LRP1B: variants seen among roughly 807,000 people sequenced by gnomAD.
The protein encoded by LRP1B is low-density lipoprotein receptor-related protein 1B.
A neutral mutation model predicts 556.6 loss-of-function variants in LRP1B; 217 were observed. The observed-to-expected ratio is 0.39, with a 90% CI of 0.35 to 0.44. The LOEUF (loss-of-function observed/expected upper bound fraction) is 0.44, where lower values mean the gene tolerates loss of function less well. Ranked by LOEUF, LRP1B falls within the 20% of genes least tolerant of loss-of-function variation. The probability of loss-of-function intolerance (pLI) is 1.00; values close to 1 mark genes in which losing one functional copy is unlikely to be tolerated. For missense variants in LRP1B, 5,053 were observed against 5,620.8 expected (o/e 0.90, Z 3.23); for synonymous variants, 2,047 against 1,865.8 (o/e 1.10, Z -2.50).
At chr2:141,060,507 G>A (rs1292520890) in intron 8 of LRP1B, among the ~76,000 whole-genome samples, 3 of 151,694 alleles carry the variant, frequency 2.0e-5, no homozygotes, top group African/African-American at 7.3e-5. Context: ...TTATAAGCAA[G>A]CTCAAGACTC....
At chr2:141,750,787 C>A (rs546543474) in intron 2 of LRP1B, among the ~76,000 whole-genome samples, 15 of 151,880 alleles carry the variant, frequency 9.9e-5, no homozygotes, top group Non-Finnish European at 2.9e-5. Context: ...TATCTATATT[C>A]TTTATAGAAA....
At chr2:141,118,297 T>C (rs568524927) in intron 7 of LRP1B, among the ~76,000 whole-genome samples, 2 of 152,086 alleles carry the variant, frequency 1.3e-5, no homozygotes, top group Admixed American at 6.5e-5. Context: ...CAGTTATATT[T>C]ATCACATCTT....
At chr2:141,141,112 T>C (rs1321093478) in intron 7 of LRP1B, among the ~76,000 whole-genome samples, 2 of 152,106 alleles carry the variant, frequency 1.3e-5, no homozygotes, top group African/African-American at 2.4e-5. Flanking sequence ...TAAAAATGCA[T>C]TAATTAAAAC....
chr2:141,323,219 C>G (rs1390700791), intron 3 of LRP1B, among the ~76,000 whole-genome samples: 1 of 152,022 alleles, frequency 6.6e-6, no homozygotes, highest in Non-Finnish European at 1.5e-5. Flanking sequence ...ATTTTTCCAC[C>G]TTAAAACTGA....
intron 14 of LRP1B, among the ~76,000 whole-genome samples, chr2:141,013,069 T>G (rs1013543470): frequency 1.3e-5 from 2 of 151,934 alleles, no homozygotes; most frequent in Non-Finnish European, 2.9e-5. Flanking sequence ...CGGTTTTACT[T>G]TTGTGTCATC....
intron 2 of LRP1B, among the ~76,000 whole-genome samples, chr2:141,551,764 C>T (rs78658267): frequency 0.017 from 2,531 of 152,044 alleles, 27 homozygotes; most frequent in African/African-American, 0.023. Flanking sequence ...GACAGTCCTG[C>T]GGAAGACACC....
chr2:141,510,471 A>T lies in LRP1B; in HGVS notation c.206-29938T>A, dbSNP rs1386578526. On this transcript the variant is annotated intron_variant, in intron 2 of 90. Transcript: ENST00000389484. ...GTTCCTTGGATTTAGGCTGTATTTTATGTTTACAAATATTATCGCACACCT... is the reference window on the plus strand; with the variant it reads ...GTTCCTTGGATTTAGGCTGTATTTTTTGTTTACAAATATTATCGCACACCT... Among the ~76,000 whole-genome samples, 3 of 152,096 alleles carry T rather than the reference A, an allele frequency of 2.0e-5. 1 individual carries two copies. In the East Asian group the frequency reaches 5.8e-4, roughly 29 times the overall value.
chr2:141,108,497 T>C (rs1700668600), intron 7 of LRP1B, among the ~76,000 whole-genome samples: 1 of 151,882 alleles, frequency 6.6e-6, no homozygotes, highest in Non-Finnish European at 1.5e-5. Flanking sequence ...TACAGGTGCC[T>C]GCCACCATGC....
In LRP1B at chr2:140,951,945, G is replaced by A. The variant is rs772332891; in HGVS notation, c.2888-5C>T. On this transcript the variant is annotated splice_polypyrimidine_tract_variant and splice_region_variant and intron_variant, in intron 18 of 90. Transcript: ENST00000389484. ...GTGGCTCACAAGTTGGGAATTCTGT[G>A]AAAGATATAAAAATGTCCAAAAGGT... The A allele has an allele frequency of 4.4e-6, 7 of 1,605,578 alleles. No homozygotes were observed. In the East Asian group the frequency reaches 1.3e-4, roughly 31 times the overall value.
At chr2:140,752,715 A>G (rs1220906744) in intron 35 of LRP1B, among the ~76,000 whole-genome samples, 2 of 152,192 alleles carry the variant, frequency 1.3e-5, no homozygotes, top group Non-Finnish European at 2.9e-5. Flanking sequence ...TATTTTTTAA[A>G]TATACTTATT....
intron 2 of LRP1B, among the ~76,000 whole-genome samples, chr2:141,766,346 T>G (rs1229483400): frequency 6.6e-6 from 1 of 152,128 alleles, no homozygotes; most frequent in Non-Finnish European, 1.5e-5. Flanking sequence ...TCTCCAATGA[T>G]TCTCTGGTCA....
intron 11 of LRP1B, among the ~76,000 whole-genome samples, chr2:141,038,529 A>C (rs569320456): frequency 6.6e-6 from 1 of 152,200 alleles, no homozygotes; most frequent in East Asian, 1.9e-4. Flanking sequence ...ATTTTTAAAC[A>C]TACTGGTTAC....
chr2:140,387,764 C>A (rs1217809792), intron 66 of LRP1B, among the ~76,000 whole-genome samples: 1 of 151,912 alleles, frequency 6.6e-6, no homozygotes, highest in African/African-American at 2.4e-5. Context: ...ATTCTGCACA[C>A]CTCAGTCAAT....
At chr2:141,719,562 G>T (rs866234647) in intron 2 of LRP1B, among the ~76,000 whole-genome samples, 10 of 152,146 alleles carry the variant, frequency 6.6e-5, no homozygotes, top group Admixed American at 2.0e-4. Context: ...TAATGGTGTA[G>T]GAGACTCAAA....
chr2:141,532,408 T>C (rs1356675681), intron 2 of LRP1B, among the ~76,000 whole-genome samples: 1 of 151,910 alleles, frequency 6.6e-6, no homozygotes. Flanking sequence ...GTCTAGAAAA[T>C]ATCAAGAACT....
intron 3 of LRP1B, among the ~76,000 whole-genome samples, chr2:141,290,545 T>C (rs1685902823): frequency 6.6e-6 from 1 of 152,162 alleles, no homozygotes; most frequent in African/African-American, 2.4e-5. Flanking sequence ...TGCGTAAAGT[T>C]AAATACAAGT....
chr2:140,689,677 A>G (rs1559056467), intron 41 of LRP1B, among the ~76,000 whole-genome samples: 1 of 152,158 alleles, frequency 6.6e-6, no homozygotes, highest in Non-Finnish European at 1.5e-5. Context: ...CAGCATCTCT[A>G]TCTTGTGATG....
intron 3 of LRP1B, among the ~76,000 whole-genome samples, chr2:141,302,745 T>C (rs768837886): frequency 1.3e-5 from 2 of 152,148 alleles, no homozygotes; most frequent in Non-Finnish European, 2.9e-5. Context: ...TCTGTAAAGC[T>C]AATTGTACCA....
intron 3 of LRP1B, among the ~76,000 whole-genome samples, chr2:141,430,421 ATAAT>A (rs1680520409): frequency 2.0e-5 from 3 of 152,318 alleles, no homozygotes; most frequent in Admixed American, 6.5e-5. Flanking sequence ...TAATTTTAAA[ATAAT>A]TAATGGGCTG....
Sources: allele counts gnomAD v4.1 joint callset (sites outside exome capture counted in the v4.1 genomes callset), GRCh38; gene constraint gnomAD v4.1.1; transcripts MANE v1.5; gene names NCBI Gene and HGNC (gene_info 2026-07-23, HGNC 2026-07-21).